RABGAP1L: variants seen among roughly 807,000 people sequenced by gnomAD.
RABGAP1L encodes rab GTPase-activating protein 1-like.
RABGAP1L carries 63 observed loss-of-function variants against 137.7 expected under a neutral mutation model. The ratio of observed to expected loss-of-function variants is 0.46; its 90% CI spans 0.37 to 0.56. The LOEUF (loss-of-function observed/expected upper bound fraction) is 0.56, where lower values mean the gene tolerates loss of function less well. Among genes scored for constraint, RABGAP1L ranks in the 20% least tolerant of loss-of-function variants. The pLI is 0.00. For synonymous variants in RABGAP1L, 431 were observed against 433.7 expected (o/e 0.99, Z 0.08); for missense variants, 1,095 against 1,244.0 (o/e 0.88, Z 1.80).
intron 15 of RABGAP1L, among the ~76,000 whole-genome samples, chr1:174,687,428 C>T (rs187305292): frequency 6.6e-6 from 1 of 152,284 alleles, no homozygotes; most frequent in Admixed American, 6.5e-5. Context: ...AACTGATATT[C>T]AGCATTCTGT....
chr1:174,400,453 A>G (rs1648433913), intron 13 of RABGAP1L, among the ~76,000 whole-genome samples: 1 of 152,134 alleles, frequency 6.6e-6, no homozygotes, highest in Non-Finnish European at 1.5e-5. Context: ...CCTGCCTGAC[A>G]CATTCTAGAT....
chr1:174,670,282 A>G (rs1273890209), intron 14 of RABGAP1L, among the ~76,000 whole-genome samples: 11 of 149,400 alleles, frequency 7.4e-5, no homozygotes, highest in Non-Finnish European at 1.5e-4. Flanking sequence ...TAGTGGGTGT[A>G]TATATTTATG....
intron 13 of RABGAP1L, among the ~76,000 whole-genome samples, chr1:174,563,385 T>G (rs1667355967): frequency 6.6e-6 from 1 of 152,196 alleles, no homozygotes; most frequent in Non-Finnish European, 1.5e-5. Flanking sequence ...AGTACATTAA[T>G]TAAAAGAGCA....
At chr1:174,213,323 G>A (rs377532988) in intron 1 of RABGAP1L, among the ~76,000 whole-genome samples, 5 of 152,176 alleles carry the variant, frequency 3.3e-5, no homozygotes, top group East Asian at 3.8e-4. Flanking sequence ...TACTCTGGAG[G>A]CTGAGGCAGG....
intron 13 of RABGAP1L, among the ~76,000 whole-genome samples, chr1:174,518,119 A>G (rs1663027491): frequency 6.6e-6 from 1 of 152,230 alleles, no homozygotes; most frequent in African/African-American, 2.4e-5. Context: ...AATGAAAACC[A>G]GAAAACAATG....
intron 11 of RABGAP1L, among the ~76,000 whole-genome samples, chr1:174,344,513 A>C (rs1049277608): frequency 6.6e-6 from 1 of 152,186 alleles, no homozygotes; most frequent in South Asian, 2.1e-4. Context: ...AAAATGATTT[A>C]GTGATTACCT....
At chr1:174,750,182 T>C (rs1000878569) in intron 17 of RABGAP1L, among the ~76,000 whole-genome samples, 8 of 152,224 alleles carry the variant, frequency 5.3e-5, no homozygotes, top group African/African-American at 1.9e-4. Flanking sequence ...TGCTATCTGC[T>C]ATGTGATGCT....
chr1:174,983,570 T>C (rs774403533), intron 24 of RABGAP1L, among the ~76,000 whole-genome samples: 2 of 152,214 alleles, frequency 1.3e-5, no homozygotes, highest in Non-Finnish European at 2.9e-5. Context: ...CATCATCTTA[T>C]TTGAATATGT....
At chr1:174,681,884 A>G (rs1678089688) in intron 14 of RABGAP1L, among the ~76,000 whole-genome samples, 1 of 152,228 alleles carries the variant, frequency 6.6e-6, no homozygotes, top group South Asian at 2.1e-4. Context: ...ATTAAATTAA[A>G]TGGAAATCTC....
intron 1 of RABGAP1L, among the ~76,000 whole-genome samples, chr1:174,164,064 AT>A (rs916847078): frequency 4.0e-5 from 6 of 149,772 alleles, no homozygotes; most frequent in South Asian, 4.2e-4. Flanking sequence ...AATTATCTGG[AT>A]TTTTTTTTTA....
intron 19 of RABGAP1L, among the ~76,000 whole-genome samples, chr1:174,863,032 C>T (rs1037860987): frequency 7.3e-5 from 11 of 151,514 alleles, no homozygotes; most frequent in African/African-American, 2.4e-4. Flanking sequence ...GTAGCTGGGA[C>T]TACAGGCGCA....
intron 13 of RABGAP1L, among the ~76,000 whole-genome samples, chr1:174,462,332 A>G (rs1342360163): frequency 1.3e-5 from 2 of 152,298 alleles, no homozygotes; most frequent in South Asian, 2.1e-4. Flanking sequence ...CAATAAATCT[A>G]TACATCTGTT....
At chr1:174,382,864 C>G (rs1479927792) in intron 12 of RABGAP1L, among the ~76,000 whole-genome samples, 2 of 152,100 alleles carry the variant, frequency 1.3e-5, no homozygotes, top group Non-Finnish European at 2.9e-5. Context: ...AGGAGAGACA[C>G]TCTGCGTTTT....
At chr1:174,233,501 T>G (rs1386129536) in intron 4 of RABGAP1L, among the ~76,000 whole-genome samples, 5 of 139,982 alleles carry the variant, frequency 3.6e-5, no homozygotes, top group Admixed American at 7.0e-5. Flanking sequence ...CACCTATGAG[T>G]GAGAATATGC....
At chr1:174,646,677 T>A (rs534611295) in intron 14 of RABGAP1L, among the ~76,000 whole-genome samples, 8 of 152,308 alleles carry the variant, frequency 5.3e-5, no homozygotes, top group African/African-American at 1.9e-4. Flanking sequence ...TTGCTTAGGA[T>A]TGTCTTGGCT....
At position 174,800,137 on chromosome 1, in the gene RABGAP1L, G is replaced by A. The variant is rs896414840; in HGVS notation, c.2212-11695G>A. 8 of 1,370,624 alleles carry A rather than the reference G, an allele frequency of 5.8e-6. 1 individual carries two copies. The Admixed American group carries it at 2.7e-4, about 46-fold the overall frequency. 84.9% of individuals were successfully genotyped at this position (1,370,624 alleles called of 1,614,324 possible). On this transcript the variant is annotated intron_variant, in intron 18 of 25. Coordinates refer to ENST00000681986, the MANE Select transcript of RABGAP1L (RefSeq NM_001366446.1). ...TACTTGATTTCATTTTCATTTTCCAGTCTACTTTGGGGTTCTCGCAGTGGA... is the reference window on the plus strand; with the variant it reads ...TACTTGATTTCATTTTCATTTTCCAATCTACTTTGGGGTTCTCGCAGTGGA...
At position 174,630,425 on chromosome 1, in the gene RABGAP1L, T is replaced by A. The variant is rs1214124615; in HGVS notation, c.1711-6950T>A. Among the ~76,000 whole-genome samples, 10 of 80,410 alleles carry A rather than the reference T, an allele frequency of 1.2e-4. No individual in the cohort carries two copies. The East Asian group carries it at 2.7e-3, about 22-fold the overall frequency. 52.8% of individuals were successfully genotyped at this position (80,410 alleles called of 152,430 possible). A position where few individuals can be genotyped will look rare whatever the true frequency, so the allele number is the denominator to read the frequency against. On this transcript the variant is annotated intron_variant, in intron 13 of 25. Coordinates refer to ENST00000681986, the MANE Select transcript of RABGAP1L (RefSeq NM_001366446.1). ...GCCTCATAAAATGAGTTAGGGAGGA[T>A]TCCCTCTTTTTCTATTGATTGGAAT...
intron 10 of RABGAP1L, among the ~76,000 whole-genome samples, chr1:174,286,580 A>C (rs909953559): frequency 4.0e-5 from 6 of 151,416 alleles, no homozygotes; most frequent in Non-Finnish European, 5.9e-5. Context: ...AGTCTTTACT[A>C]TTTTTTCCAT....
At chr1:174,773,552 T>C (rs961135910) in intron 18 of RABGAP1L, among the ~76,000 whole-genome samples, 2 of 152,202 alleles carry the variant, frequency 1.3e-5, no homozygotes, top group African/African-American at 2.4e-5. Flanking sequence ...AAGCATATTC[T>C]ATTGTATGTT....
Sources: gnomAD v4.1 joint callset for allele counts (sites outside exome capture counted in the v4.1 genomes callset) on GRCh38, gnomAD v4.1.1 for gene constraint, MANE v1.5 for transcripts, NCBI Gene and HGNC (gene_info 2026-07-23, HGNC 2026-07-21) for gene names.